Variants in PPP3CA observed in about 807,000 individuals in gnomAD.
PPP3CA encodes protein phosphatase 3 catalytic subunit alpha, also known as CAM-PRP catalytic subunit.
In PPP3CA, 14 loss-of-function variants were observed where a neutral mutation model predicts 66.5. The ratio of observed to expected loss-of-function variants is 0.21; its 90% confidence interval spans 0.14 to 0.33. The LOEUF (loss-of-function observed/expected upper bound fraction) is 0.33, where lower values mean the gene tolerates loss of function less well. Ranked by LOEUF, PPP3CA falls within the 10% of genes least tolerant of loss-of-function variation. PPP3CA has a pLI of 1.00. For missense variants in PPP3CA, 317 were observed against 639.5 expected (o/e 0.50, Z 5.44); for synonymous variants, 232 against 226.2 (o/e 1.03, Z -0.23).
At chr4:101,196,137 T>C in intron 1 of PPP3CA, 21 bp from the exon 2 acceptor site, 1 of 1,608,812 alleles carries the variant, frequency 6.2e-7, no homozygotes, top group Non-Finnish European at 8.5e-7. Context: ...AAAGGTCTAA[T>C]TATTACATTA....
chr4:101,071,377 G>A (rs1362555932), intron 8 of PPP3CA, among the ~76,000 whole-genome samples: 1 of 152,098 alleles, frequency 6.6e-6, no homozygotes, highest in African/African-American at 2.4e-5. Context: ...CAGACTTTTT[G>A]ACACTGTAAG....
At chr4:101,274,011 T>C (rs1163163411) in intron 1 of PPP3CA, among the ~76,000 whole-genome samples, 1 of 151,864 alleles carries the variant, frequency 6.6e-6, no homozygotes, top group Non-Finnish European at 1.5e-5. Flanking sequence ...TAGCATACAG[T>C]AGATTAAAGG....
At chr4:101,118,333 C>G (rs1234656328) in intron 2 of PPP3CA, among the ~76,000 whole-genome samples, 5 of 152,050 alleles carry the variant, frequency 3.3e-5, no homozygotes, top group Non-Finnish European at 7.4e-5. Context: ...CAGCTAATCT[C>G]TCTTTATCTG....
intron 1 of PPP3CA, among the ~76,000 whole-genome samples, chr4:101,313,513 T>C (rs1728790546): frequency 6.6e-6 from 1 of 152,242 alleles, no homozygotes; most frequent in African/African-American, 2.4e-5. Context: ...GGATTTAATA[T>C]GACTTTCTCT....
At chr4:101,266,962 G>A (rs940955027) in intron 1 of PPP3CA, among the ~76,000 whole-genome samples, 16 of 152,120 alleles carry the variant, frequency 1.1e-4, no homozygotes, top group African/African-American at 3.6e-4. Context: ...TGAGACAGAC[G>A]AACACCCCTA....
At chr4:101,114,546 T>A (rs923058413) in intron 2 of PPP3CA, among the ~76,000 whole-genome samples, 3 of 152,090 alleles carry the variant, frequency 2.0e-5, no homozygotes, top group African/African-American at 7.2e-5. Context: ...ATATCGCTAA[T>A]CTAAACAAAC....
At chr4:101,141,312 G>T (rs1314083787) in intron 2 of PPP3CA, among the ~76,000 whole-genome samples, 4 of 152,160 alleles carry the variant, frequency 2.6e-5, no homozygotes, top group African/African-American at 9.7e-5. Context: ...GGAGGTTGCA[G>T]TGAGTCCAGA....
At chr4:101,321,243 A>G (rs1396790934) in intron 1 of PPP3CA, among the ~76,000 whole-genome samples, 1 of 152,260 alleles carries the variant, frequency 6.6e-6, no homozygotes, top group Non-Finnish European at 1.5e-5. Flanking sequence ...AAACATGTCC[A>G]TACACATATA....
chr4:101,195,999 C>G lies in PPP3CA; in HGVS notation c.176G>C (p.Ser59Thr), dbSNP rs1191653592. The change falls in exon 2 of 14, where the codon AGT (serine) becomes ACT (threonine). Residue 59 changes from serine to threonine, a missense_variant. By Grantham distance (58) the Ser-to-Thr change is moderately conservative. Around this residue, in one of 3 missense-constraint regions of PPP3CA, gnomAD observed 76 missense variants for 99.5 expected, o/e 0.76. Transcript: ENST00000394854. ...CTCTGTTATTATTCTCAATGCAACA[C>G]TCTCTTCCAGCCTTCCCTCCTTCAT... is the stretch of plus-strand genomic sequence containing the variant. ...HLMKEGRLEE[S>T]VALRIITEGA... is the part of the protein sequence containing the mutation. 2.5e-6 allele frequency: 4 copies of G among 1,614,106 alleles called. No individual in the cohort carries two copies. Among genetic ancestry groups the G allele is most frequent in the Non-Finnish European group, 2.5e-6 (3 of 1,179,974 alleles).
At chr4:101,332,726 A>C (rs918781426) in intron 1 of PPP3CA, among the ~76,000 whole-genome samples, 33 of 152,246 alleles carry the variant, frequency 2.2e-4, no homozygotes, top group African/African-American at 7.5e-4. Context: ...TCGTTACAAC[A>C]ACCTTAAAAA....
At chr4:101,172,949 T>G (rs1417175625) in intron 2 of PPP3CA, among the ~76,000 whole-genome samples, 1 of 152,202 alleles carries the variant, frequency 6.6e-6, no homozygotes, top group Non-Finnish European at 1.5e-5. Context: ...CACATTAGAT[T>G]TGTTTGCACT....
At chr4:101,181,044 C>T (rs1427970650) in intron 2 of PPP3CA, among the ~76,000 whole-genome samples, 1 of 151,898 alleles carries the variant, frequency 6.6e-6, no homozygotes, top group African/African-American at 2.4e-5. Context: ...AAGCAAGACC[C>T]TGTCTCTAAA....
chr4:101,294,658 C>T (rs1166739373), intron 1 of PPP3CA, among the ~76,000 whole-genome samples: 1 of 152,034 alleles, frequency 6.6e-6, no homozygotes, highest in African/African-American at 2.4e-5. Context: ...AAGGTTCCTT[C>T]CATCTGGGGC....
At chr4:101,082,440 G>A (rs1578429126) in intron 7 of PPP3CA, among the ~76,000 whole-genome samples, 1 of 152,210 alleles carries the variant, frequency 6.6e-6, no homozygotes. Flanking sequence ...ATGAAGGGAT[G>A]AGTTTAATTA....
At chr4:101,075,452 T>C (rs893570044) in intron 8 of PPP3CA, among the ~76,000 whole-genome samples, 4 of 152,200 alleles carry the variant, frequency 2.6e-5, no homozygotes, top group African/African-American at 9.7e-5. Context: ...TATATATGTT[T>C]ATATTTCTCT....
At chr4:101,344,458 A>T (rs1189109911) in intron 1 of PPP3CA, among the ~76,000 whole-genome samples, 1 of 152,238 alleles carries the variant, frequency 6.6e-6, no homozygotes, top group African/African-American at 2.4e-5. Context: ...AGGATTCATC[A>T]ACAAAACTTC....
intron 2 of PPP3CA, among the ~76,000 whole-genome samples, chr4:101,142,372 C>T (rs920540422): frequency 6.6e-6 from 1 of 152,146 alleles, no homozygotes; most frequent in African/African-American, 2.4e-5. Flanking sequence ...ATCGTGATAT[C>T]GGCAGAGTAG....
chr4:101,070,182 T>C (rs940074162), intron 8 of PPP3CA, among the ~76,000 whole-genome samples: 3 of 152,170 alleles, frequency 2.0e-5, no homozygotes, highest in Admixed American at 6.6e-5. Context: ...ATCCCTTTTT[T>C]TTATAGTGTT....
intron 2 of PPP3CA, among the ~76,000 whole-genome samples, chr4:101,155,006 G>A (rs999641030): frequency 3.3e-5 from 5 of 151,698 alleles, no homozygotes; most frequent in Admixed American, 2.0e-4. Flanking sequence ...TAGTAGAGAC[G>A]GGGTTTCACC....
Sources: gnomAD v4.1 joint callset for allele counts (sites outside exome capture counted in the v4.1 genomes callset) on GRCh38, gnomAD v4.1.1 for gene constraint, gnomAD v4.1.1 regional missense constraint, MANE v1.5 for transcripts, NCBI Gene and HGNC (gene_info 2026-07-23, HGNC 2026-07-21) for gene names.